The following MGAT4D variants were observed in gnomAD, a reference collection of about 807,000 sequenced individuals.
MGAT4D encodes the protein MGAT4 family member D, also known as alpha-1,3-mannosyl-glycoprotein 4-beta-N-acetylglucosaminyltransferase-like protein MGAT4D.
MGAT4D carries 34 observed loss-of-function variants against 15.9 expected under a neutral mutation model. The observed-to-expected ratio is 2.14, with a 90% CI of 1.62 to 2.84. MGAT4D has a LOEUF of 2.84. Ranked by LOEUF, MGAT4D falls within the 30% of genes most tolerant of loss-of-function variation. The pLI is 0.00. For missense variants in MGAT4D, 327 were observed against 140.2 expected (o/e 2.33, Z -6.73); for synonymous variants, 112 against 48.2 (o/e 2.33, Z -5.49).
intron 5 of MGAT4D, among the ~76,000 whole-genome samples, chr4:140,467,949 G>A (rs1404495031): frequency 6.6e-6 from 1 of 151,796 alleles, no homozygotes; most frequent in African/African-American, 2.4e-5. Flanking sequence ...AGAAAACCTA[G>A]GAAAAGGGTT....
intron 6 of MGAT4D, among the ~76,000 whole-genome samples, chr4:140,463,437 C>T (rs1731325358): frequency 2.0e-5 from 3 of 151,934 alleles, no homozygotes; most frequent in Non-Finnish European, 2.9e-5. Flanking sequence ...AGGGGTGAGG[C>T]ATGAGAGCCC....
chr4:140,451,432 G>A lies in MGAT4D; in HGVS notation c.1094C>T (p.Pro365Leu), dbSNP rs767866849. The change falls in exon 10 of 11, where the codon CCT becomes CTT. Residue 365 changes from proline (P) to leucine (L), a missense_variant. By Grantham distance (98) the Pro-to-Leu change is moderately conservative. Transcript: ENST00000511113. The part of the protein sequence containing the change: ...FQHVGIHSSF[P>L]RKEQYEKKI ...TACTTTTTCATATTGTTCTTTTCTA[G>A]GGAATGATGAATGTATACCCACATG... 4.0e-5 allele frequency: 24 copies of A among 607,324 alleles called. No individual in the cohort carries two copies. Among genetic ancestry groups the A allele is most frequent in the Non-Finnish European group, 6.9e-5 (23 of 334,452 alleles). 37.6% of individuals were successfully genotyped at this position (607,324 alleles called of 1,614,324 possible). A position where few individuals can be genotyped will look rare whatever the true frequency, so the allele number is the denominator to read the frequency against.
chr4:140,487,692 A>C (rs1733233787), intron 1 of MGAT4D, among the ~76,000 whole-genome samples: 1 of 152,188 alleles, frequency 6.6e-6, no homozygotes, highest in Non-Finnish European at 1.5e-5. Context: ...AATTACAGTG[A>C]AATGTAATCC....
intron 1 of MGAT4D, among the ~76,000 whole-genome samples, chr4:140,494,359 C>G (rs191706730): frequency 6.6e-6 from 1 of 152,324 alleles, no homozygotes; most frequent in African/African-American, 2.4e-5. Flanking sequence ...TTATTTGACA[C>G]TATTGCACGC....
chr4:140,463,788 GTTAAT>G (rs1731349561), intron 6 of MGAT4D, among the ~76,000 whole-genome samples: 1 of 152,214 alleles, frequency 6.6e-6, no homozygotes, highest in Non-Finnish European at 1.5e-5. Flanking sequence ...ACAGAAGGAA[GTTAAT>G]GATTGCAAGG....
Position 140,451,437 on chromosome 4 carries a change from T to C in MGAT4D, c.1089A>G (p.Ser363=), listed in dbSNP as rs948818067. The stretch of plus-strand genomic sequence containing the variant: ...TTTCATATTGTTCTTTTCTAGGGAA[T>C]GATGAATGTATACCCACATGCTGGA... ...SLFQHVGIHS[S]FPRKEQYEKK... is the part of the protein sequence containing the mutation. Residue 363 remains serine, a synonymous_variant, in exon 10 of 11, where the codon TCA becomes TCG. Coordinates refer to ENST00000511113, the MANE Select transcript of MGAT4D (RefSeq NM_001277353.2). 14 of 616,786 alleles carry C rather than the reference T, an allele frequency of 2.3e-5. No individual in the cohort carries two copies. Among genetic ancestry groups the C allele is most frequent in the Admixed American group, 7.0e-5 (3 of 42,594 alleles). 38.2% of individuals were successfully genotyped at this position (616,786 alleles called of 1,614,324 possible).
At chr4:140,478,890 G>T (rs1732515873) in intron 3 of MGAT4D, among the ~76,000 whole-genome samples, 2 of 152,008 alleles carry the variant, frequency 1.3e-5, no homozygotes. Flanking sequence ...ACAAGTAAAT[G>T]GATAAGCATA....
In MGAT4D at chr4:140,443,234, T is replaced by A. The variant is rs1279941520; in HGVS notation, c.*202A>T. On this transcript the variant is annotated 3_prime_UTR_variant, in exon 11 of 11. Transcript: ENST00000511113. ...CCTTTAGTATTTTTAAATTAAATTGTAATAGGGTAAAAGCAATATAAATGT... is the reference window on the plus strand; with the variant it reads ...CCTTTAGTATTTTTAAATTAAATTGAAATAGGGTAAAAGCAATATAAATGT... 4.0e-6 allele frequency: 1 copy of A among 251,434 alleles called. No individual in the cohort carries two copies. The highest frequency in any genetic ancestry group is 2.2e-5 in the African/African-American group (1 of 45,190). 15.6% of individuals were successfully genotyped at this position (251,434 alleles called of 1,614,324 possible).
chr4:140,454,653 A>G (rs2126693413), intron 9 of MGAT4D, among the ~76,000 whole-genome samples: 1 of 152,204 alleles, frequency 6.6e-6, no homozygotes, highest in South Asian at 2.1e-4. Flanking sequence ...TCTATTTTGG[A>G]GAAGGTATTA....
intron 8 of MGAT4D, chr4:140,459,042 G>T (rs1258121832): frequency 6.6e-6 from 1 of 152,058 alleles, no homozygotes; most frequent in East Asian, 1.9e-4. Context: ...TATAGTATTT[G>T]GAAATTTTCT....
At chr4:140,460,010 G>C (rs927660767) in intron 7 of MGAT4D, among the ~76,000 whole-genome samples, 6 of 151,976 alleles carry the variant, frequency 3.9e-5, no homozygotes, top group African/African-American at 1.4e-4. Context: ...GGGCTCAAGT[G>C]AGCCTCCCGC....
chr4:140,458,863 A>G (rs1054250898), intron 8 of MGAT4D: 2 of 152,166 alleles, frequency 1.3e-5, no homozygotes, highest in Admixed American at 6.5e-5. Flanking sequence ...GAAAGAATAC[A>G]TAAGGAAGAG....
chr4:140,476,081 G>A (rs1029551439), intron 3 of MGAT4D, among the ~76,000 whole-genome samples: 4 of 151,908 alleles, frequency 2.6e-5, no homozygotes, highest in Admixed American at 6.6e-5. Flanking sequence ...CAAAGTGCTG[G>A]GATTACAGGC....
At chr4:140,480,763 A>ACACACG (rs1266292536) in intron 2 of MGAT4D, among the ~76,000 whole-genome samples, 1 of 150,898 alleles carries the variant, frequency 6.6e-6, no homozygotes, top group East Asian at 2.0e-4. Flanking sequence ...ACACACACAC[A>ACACACG]CACACACACA....
chr4:140,491,195 C>T (rs1578723359), intron 1 of MGAT4D, among the ~76,000 whole-genome samples: 1 of 152,190 alleles, frequency 6.6e-6, no homozygotes, highest in Non-Finnish European at 1.5e-5. Flanking sequence ...TGCTTACTTA[C>T]AGCTGCGTCT....
chr4:140,453,133 G>C (rs933303028), intron 9 of MGAT4D, among the ~76,000 whole-genome samples: 1 of 152,078 alleles, frequency 6.6e-6, no homozygotes, highest in Non-Finnish European at 1.5e-5. Context: ...AATAAAGGTG[G>C]CTTGTCTTGA....
chr4:140,481,372 G>A lies in MGAT4D; in HGVS notation c.253+955C>T, dbSNP rs184545985. ...ACATTGCTGGAGGGAGTGAAAAATG[G>A]CACAGCCACTCTGGAAAACAGTATG... On this transcript the variant is annotated intron_variant, in intron 2 of 10. Transcript: ENST00000511113. Among the ~76,000 whole-genome samples the A allele has an allele frequency of 7.9e-4, 120 of 152,240 alleles. 2 individuals carry two copies. The highest frequency in any genetic ancestry group is 7.7e-3 in the Admixed American group (118 of 15,274).
chr4:140,445,863 C>A (rs552543363), intron 10 of MGAT4D, among the ~76,000 whole-genome samples: 1 of 151,910 alleles, frequency 6.6e-6, no homozygotes, highest in Admixed American at 6.6e-5. Flanking sequence ...TATTTCTGGG[C>A]TCTCTATTTT....
chr4:140,481,703 G>A (rs1162531631), intron 2 of MGAT4D, among the ~76,000 whole-genome samples: 3 of 152,204 alleles, frequency 2.0e-5, no homozygotes, highest in South Asian at 2.1e-4. Flanking sequence ...AAGTTTCAAA[G>A]GGTTACACAT....
Sources: gnomAD v4.1 joint callset for allele counts (sites outside exome capture counted in the v4.1 genomes callset) on GRCh38, gnomAD v4.1.1 for gene constraint, MANE v1.5 for transcripts, NCBI Gene and HGNC (gene_info 2026-07-23, HGNC 2026-07-21) for gene names.